The following CLVS1 variants were observed in gnomAD, a reference collection of about 807,000 sequenced individuals.
The protein encoded by CLVS1 is clavesin-1.
Under a neutral mutation model 33.1 loss-of-function variants are expected in CLVS1, and 10 were observed. The observed-to-expected ratio is 0.30, with a 90% CI of 0.19 to 0.51. CLVS1 has a LOEUF of 0.51. CLVS1 is among the 20% of genes least tolerant of loss of function. The probability of loss-of-function intolerance (pLI) is 0.97; values close to 1 mark genes in which losing one functional copy is unlikely to be tolerated. For missense variants in CLVS1, 343 were observed against 433.4 expected, an observed-to-expected ratio of 0.79 and a Z score of 1.85; for synonymous variants, 163 against 166.1, an observed-to-expected ratio of 0.98 and a Z score of 0.14.
intron 2 of CLVS1, among the ~76,000 whole-genome samples, chr8:61,268,075 T>C (rs1389115868): frequency 6.6e-6 from 1 of 152,058 alleles, no homozygotes; most frequent in East Asian, 1.9e-4. Flanking sequence ...TGCAGGTTAG[T>C]TACATATGTA....
In CLVS1 at chr8:61,164,954, A is replaced by G. The variant is rs1806827450; in HGVS notation, c.-152+33094A>G. ...AGCTTCCAAGATGGTGGTGAGCCTC[A>G]TGTTCTCTGACCTGGGGTTCTTGGT... On this transcript the variant is annotated intron_variant, in intron 2 of 2. Transcript: ENST00000522621. Among the ~76,000 whole-genome samples the G allele has an allele frequency of 2.6e-5, 4 of 152,146 alleles. No individual in the cohort carries two copies. In the South Asian group the frequency reaches 8.3e-4, roughly 32 times the overall value.
chr8:61,263,053 A>T (rs756649960), intron 2 of CLVS1, among the ~76,000 whole-genome samples: 1 of 152,206 alleles, frequency 6.6e-6, no homozygotes, highest in Non-Finnish European at 1.5e-5. Context: ...CTGGCATTCG[A>T]AAGAGCAGGA....
At chr8:61,063,632 G>A (rs918333185) in intron 1 of CLVS1, among the ~76,000 whole-genome samples, 1 of 152,142 alleles carries the variant, frequency 6.6e-6, no homozygotes, top group African/African-American at 2.4e-5. Context: ...CCATTGAAGG[G>A]TTTGAAGGAG....
At chr8:61,131,988 C>G (rs1806107967) in intron 2 of CLVS1, 1 of 152,324 alleles carries the variant, frequency 6.6e-6, no homozygotes, top group Non-Finnish European at 1.5e-5. Flanking sequence ...GGGAAGGGGC[C>G]ATTGGATTGC....
chr8:61,310,102 C>T (rs1294542846), intron 2 of CLVS1, among the ~76,000 whole-genome samples: 1 of 152,226 alleles, frequency 6.6e-6, no homozygotes, highest in Non-Finnish European at 1.5e-5. Context: ...GGTAACCCTG[C>T]CCCCAAAGCC....
chr8:61,345,630 GTGTGTGTA>G (rs1197547353), intron 2 of CLVS1, among the ~76,000 whole-genome samples: 1,747 of 146,024 alleles, frequency 0.012, 37 homozygotes, highest in African/African-American at 0.042. Context: ...GGGTGTGTGT[GTGTGTGTA>G]TGTGTGTGTG....
chr8:61,186,285 T>C (rs889366006), intron 2 of CLVS1, among the ~76,000 whole-genome samples: 41 of 152,344 alleles, frequency 2.7e-4, no homozygotes, highest in Middle Eastern at 3.4e-3. Context: ...ATTAAAACTT[T>C]CAGCTGAATA....
chr8:61,020,882 C>G, the CLVS1 span, among the ~76,000 whole-genome samples: 1 of 152,230 alleles, frequency 6.6e-6, no homozygotes, highest in Admixed American at 6.5e-5. Context: ...GAGCCACACT[C>G]TAGGATATCT....
At chr8:61,440,723 A>G (rs537833452) in intron 3 of CLVS1, among the ~76,000 whole-genome samples, 1 of 152,330 alleles carries the variant, frequency 6.6e-6, no homozygotes, top group South Asian at 2.1e-4. Flanking sequence ...ATCTGCTTAG[A>G]AAACTTTATC....
At chr8:61,310,310 AC>A (rs1192772960) in intron 2 of CLVS1, among the ~76,000 whole-genome samples, 7 of 152,246 alleles carry the variant, frequency 4.6e-5, no homozygotes, top group Non-Finnish European at 7.3e-5. Context: ...TTACGTAAGC[AC>A]TACTAATAGC....
intron 2 of CLVS1, among the ~76,000 whole-genome samples, chr8:61,200,806 C>T (rs963925966): frequency 1.3e-5 from 2 of 152,106 alleles, no homozygotes; most frequent in Non-Finnish European, 2.9e-5. Flanking sequence ...TCATTTATTT[C>T]TTCATTAGTG....
chr8:61,434,689 A>G (rs1816247904), intron 3 of CLVS1, among the ~76,000 whole-genome samples: 1 of 152,204 alleles, frequency 6.6e-6, no homozygotes, highest in African/African-American at 2.4e-5. Flanking sequence ...ATGGAAAGGA[A>G]TGCTCAGGCT....
At chr8:61,411,116 T>G (rs1240814641) in intron 3 of CLVS1, among the ~76,000 whole-genome samples, 1 of 152,226 alleles carries the variant, frequency 6.6e-6, no homozygotes, top group East Asian at 1.9e-4. Context: ...CAAGTTGTTC[T>G]GGAGAGCAAA....
intron 5 of CLVS1, among the ~76,000 whole-genome samples, chr8:61,479,385 G>A (rs1045738253): frequency 6.6e-6 from 1 of 152,072 alleles, no homozygotes; most frequent in African/African-American, 2.4e-5. Context: ...CAGCTACTGA[G>A]GCTTGTGCAT....
intron 2 of CLVS1, among the ~76,000 whole-genome samples, chr8:61,225,168 T>C (rs1224786001): frequency 1.3e-5 from 2 of 151,932 alleles, no homozygotes; most frequent in African/African-American, 4.8e-5. Context: ...AATACAAAAA[T>C]TAGCCTGGGT....
chr8:61,383,260 C>G (rs1027457163), intron 3 of CLVS1, among the ~76,000 whole-genome samples: 1 of 152,186 alleles, frequency 6.6e-6, no homozygotes, highest in Non-Finnish European at 1.5e-5. Context: ...GTGGTGTGAT[C>G]ATTTTAATTA....
chr8:61,121,996 C>T (rs911374814), intron 1 of CLVS1, among the ~76,000 whole-genome samples: 4 of 152,242 alleles, frequency 2.6e-5, no homozygotes, highest in African/African-American at 9.6e-5. Context: ...TTAGAATCCA[C>T]TGGCGCATTA....
chr8:61,354,857 C>T (rs950966006), intron 2 of CLVS1, among the ~76,000 whole-genome samples: 1 of 152,116 alleles, frequency 6.6e-6, no homozygotes, highest in African/African-American at 2.4e-5. Flanking sequence ...CATGTAGGGT[C>T]TTTGTTGGGA....
the CLVS1 span, among the ~76,000 whole-genome samples, chr8:61,036,893 G>A: frequency 6.6e-6 from 1 of 152,158 alleles, no homozygotes; most frequent in Non-Finnish European, 1.5e-5. Context: ...GTGTTCTCCA[G>A]CCATCCATTC....
Sources: gnomAD v4.1 joint callset for allele counts (sites outside exome capture counted in the v4.1 genomes callset) on GRCh38, gnomAD v4.1.1 for gene constraint, MANE v1.5 for transcripts, NCBI Gene and HGNC (gene_info 2026-07-23, HGNC 2026-07-21) for gene names.